The following PTPN13 variants were observed in gnomAD, a reference collection of about 807,000 sequenced individuals.
PTPN13 encodes protein tyrosine phosphatase non-receptor type 13, also known as tyrosine-protein phosphatase non-receptor type 13.
A neutral mutation model predicts 284.0 loss-of-function variants in PTPN13; 191 were observed. The ratio of observed to expected loss-of-function variants is 0.67; its 90% CI spans 0.60 to 0.76. The LOEUF (loss-of-function observed/expected upper bound fraction) is 0.76. PTPN13 is among the 30% of genes least tolerant of loss of function. The pLI, the probability that PTPN13 is intolerant of heterozygous loss-of-function variation, is 0.00. For missense variants in PTPN13, 2,797 were observed against 2,939.9 expected, an observed-to-expected ratio of 0.95 and a Z score of 1.12; for synonymous variants, 986 against 1,022.3, an observed-to-expected ratio of 0.96 and a Z score of 0.68.
intron 9 of PTPN13, among the ~76,000 whole-genome samples, chr4:86,719,569 A>G (rs1185821512): frequency 6.6e-6 from 1 of 152,148 alleles, no homozygotes; most frequent in Non-Finnish European, 1.5e-5. Context: ...TTCCACAATG[A>G]TTGAACTAAT....
chr4:86,811,863 T>C (rs1341444661), intron 47 of PTPN13, among the ~76,000 whole-genome samples: 1 of 152,242 alleles, frequency 6.6e-6, no homozygotes, highest in Non-Finnish European at 1.5e-5. Context: ...ACCTTTTTAA[T>C]TCAACTTGTC....
chr4:86,771,660 G>A (rs1032905896), intron 31 of PTPN13, 125 bp downstream of exon 31: 1 of 1,064,286 alleles, frequency 9.4e-7, no homozygotes, highest in Non-Finnish European at 1.3e-6. Context: ...TTAGGCAGAG[G>A]ATGACTCTAT....
At position 86,814,539 on chromosome 4, in the gene PTPN13, G is replaced by T. The variant is rs765159068; in HGVS notation, c.7446G>T (p.Gln2482His). 5 of 1,610,700 alleles carry T rather than the reference G, an allele frequency of 3.1e-6. No individual in the cohort carries two copies. In the Admixed American group the frequency reaches 8.3e-5, roughly 27 times the overall value. ...AAGAAGAGCAAAAACAGCAGCCTCA[G>T]CTTCTGAAGTGACATGAAAAGAGCC... is the stretch of plus-strand genomic sequence containing the variant. ...QAEEEQKQQP[Q>H]LLK Residue 2482 changes from glutamine to histidine, a missense_variant, in exon 48 of 48, where the codon CAG (glutamine) becomes CAT (histidine). Transcript: ENST00000411767.
intron 36 of PTPN13, among the ~76,000 whole-genome samples, chr4:86,781,370 TGTAA>T (rs1217383474): frequency 2.0e-5 from 3 of 152,210 alleles, no homozygotes; most frequent in Admixed American, 2.0e-4. Flanking sequence ...ATGTTTTAGC[TGTAA>T]GTGAAATATA....
At position 86,734,818 on chromosome 4, in the gene PTPN13, T is replaced by C. The variant is rs1735315089; in HGVS notation, c.2094T>C (p.Thr698=). ...AAAGGATGCACTGTGATGATGAGAC[T>C]TCCTTATTGCTGGCATCCTTGGCTC... ...LEERMHCDDE[T]SLLLASLALQ... The change falls in exon 14 of 48, where the codon ACT becomes ACC. Residue 698 remains threonine, a synonymous_variant. Transcript: ENST00000411767. 2.5e-6 allele frequency: 4 copies of C among 1,613,390 alleles called. No individual in the cohort carries two copies. The highest frequency in any genetic ancestry group is 2.7e-5 in the African/African-American group (2 of 74,914).
intron 37 of PTPN13, among the ~76,000 whole-genome samples, chr4:86,784,020 A>C (rs1346340870): frequency 6.6e-6 from 1 of 152,056 alleles, no homozygotes; most frequent in Non-Finnish European, 1.5e-5. Flanking sequence ...CAAGTACTTG[A>C]AAAGTTGGTA....
At chr4:86,747,351 G>T (rs1736882993) in intron 17 of PTPN13, among the ~76,000 whole-genome samples, 1 of 152,192 alleles carries the variant, frequency 6.6e-6, no homozygotes, top group South Asian at 2.1e-4. Flanking sequence ...TCAGAAAGTT[G>T]TGAAAAGGAA....
intron 19 of PTPN13, among the ~76,000 whole-genome samples, chr4:86,751,823 G>A (rs1407710757): frequency 1.3e-5 from 2 of 151,788 alleles, no homozygotes; most frequent in African/African-American, 4.9e-5. Context: ...ATAATTTTAT[G>A]AAATGTGCTA....
At chr4:86,742,253 T>C (rs1565462549) in intron 16 of PTPN13, among the ~76,000 whole-genome samples, 1 of 152,222 alleles carries the variant, frequency 6.6e-6, no homozygotes, top group Non-Finnish European at 1.5e-5. Flanking sequence ...AGAGACTTAC[T>C]GGATTTTATG....
intron 24 of PTPN13, 95 bp from the exon 25 acceptor site, chr4:86,764,498 C>T (rs1739055450): frequency 4.2e-6 from 4 of 948,686 alleles, no homozygotes; most frequent in South Asian, 2.4e-5. Flanking sequence ...CAGCTTTGTC[C>T]TGGGCTAGGT....
intron 23 of PTPN13, 52 bp from the exon 24 acceptor site, chr4:86,762,675 A>G: frequency 7.5e-7 from 1 of 1,333,856 alleles, no homozygotes; most frequent in South Asian, 1.3e-5. Flanking sequence ...GTATGTGTGT[A>G]AGCACGTGTA....
intron 1 of PTPN13, among the ~76,000 whole-genome samples, chr4:86,600,393 CCTT>C (rs146240650): frequency 0.015 from 2,160 of 141,898 alleles, 58 homozygotes; most frequent in African/African-American, 0.053. Flanking sequence ...TAAAAATATT[CCTT>C]CTTGGTAGAT....
intron 1 of PTPN13, among the ~76,000 whole-genome samples, chr4:86,596,409 C>T (rs1225485323): frequency 6.6e-6 from 1 of 152,166 alleles, no homozygotes; most frequent in African/African-American, 2.4e-5. Flanking sequence ...AAGTAACATA[C>T]ACGCACACCA....
intron 6 of PTPN13, among the ~76,000 whole-genome samples, chr4:86,697,516 T>C (rs957929628): frequency 2.6e-5 from 4 of 152,180 alleles, no homozygotes; most frequent in Non-Finnish European, 5.9e-5. Flanking sequence ...TAGTGGGCTC[T>C]CTGACCCTAC....
chr4:86,649,605 T>C (rs917834774), intron 2 of PTPN13, among the ~76,000 whole-genome samples: 20 of 152,222 alleles, frequency 1.3e-4, no homozygotes, highest in Non-Finnish European at 2.9e-4. Flanking sequence ...TCTATGTTAA[T>C]ACCATGCTGT....
Position 86,782,234 on chromosome 4 carries a change from C to T in PTPN13, c.5996C>T (p.Ala1999Val). The T allele has an allele frequency of 6.2e-7, 1 of 1,609,512 alleles. No homozygotes were observed. Among genetic ancestry groups the T allele is most frequent in the Non-Finnish European group, 8.5e-7 (1 of 1,175,892 alleles). ...AGTGTGGGGTCTTGCAGCCAGCCTG[C>T]CCTCACTCCTAATGATTCATTCTCC... ...SYSVGSCSQPALTPNDSFSTV... is the reference protein window; with the variant it reads ...SYSVGSCSQPVLTPNDSFSTV... The change falls in exon 37 of 48, where the codon GCC (alanine) becomes GTC (valine). Residue 1999 changes from alanine (A) to valine (V), a missense_variant. Coordinates refer to ENST00000411767, the MANE Select transcript of PTPN13 (RefSeq NM_080683.3).
intron 42 of PTPN13, 101 bp downstream of exon 42, chr4:86,799,305 A>T: frequency 1.1e-5 from 7 of 614,036 alleles, no homozygotes; most frequent in East Asian, 3.6e-5. Context: ...TACCATATGT[A>T]TACATTATTT....
At chr4:86,758,597 AT>A (rs1474503639) in intron 21 of PTPN13, 80 bp from the exon 22 acceptor site, 1 of 1,224,630 alleles carries the variant, frequency 8.2e-7, no homozygotes, top group East Asian at 2.3e-5. Context: ...TAGTCCCCAC[AT>A]TTCTGTGTTT....
Position 86,767,847 on chromosome 4 carries a change from T to C in PTPN13, c.4360T>C (p.Ser1454Pro), listed in dbSNP as rs200245497. 683 of 1,595,782 alleles carry C rather than the reference T, an allele frequency of 4.3e-4. No individual in the cohort carries two copies. The highest frequency in any genetic ancestry group is 5.7e-4 in the Non-Finnish European group (662 of 1,169,878). Residue 1454 changes from serine to proline, a missense_variant, in exon 28 of 48, where the codon TCT becomes CCT. Coordinates refer to ENST00000411767, the MANE Select transcript of PTPN13 (RefSeq NM_080683.3). ...TCATCTGTTATTAGAAAAGGGACAA[T>C]CTCCAACATCTAAAGAACATGTCCC... ...VVHLLLEKGQ[S>P]PTSKEHVPVT... is the part of the protein sequence containing the mutation.
Sources: allele counts gnomAD v4.1 joint callset (sites outside exome capture counted in the v4.1 genomes callset), GRCh38; gene constraint gnomAD v4.1.1; transcripts MANE v1.5; gene names NCBI Gene and HGNC (gene_info 2026-07-23, HGNC 2026-07-21).